Variants in GPHN observed in about 807,000 individuals in gnomAD.
The protein encoded by GPHN is gephyrin.
Under a neutral mutation model 95.5 loss-of-function variants are expected in GPHN, and 17 were observed. That is an observed-to-expected ratio of 0.18 (90% CI 0.12 to 0.27). The LOEUF is 0.27. GPHN is among the 10% of genes least tolerant of loss of function. The pLI, the probability that GPHN is intolerant of heterozygous loss-of-function variation, is 1.00. For synonymous variants in GPHN, 320 were observed against 322.5 expected (o/e 0.99, Z 0.08); for missense variants, 660 against 978.1 (o/e 0.67, Z 4.34).
At chr14:67,052,598 T>C (rs1324974465) in intron 10 of GPHN, among the ~76,000 whole-genome samples, 1 of 152,196 alleles carries the variant, frequency 6.6e-6, no homozygotes, top group African/African-American at 2.4e-5. Context: ...CAAGTGGACC[T>C]GACAGATATC....
intron 1 of GPHN, among the ~76,000 whole-genome samples, chr14:66,645,732 A>G (rs1222146937): frequency 3.3e-5 from 5 of 151,660 alleles, no homozygotes; most frequent in Admixed American, 2.0e-4. Flanking sequence ...AGTTATTTAA[A>G]CTGATTTTAT....
At chr14:67,506,978 A>G in the GPHN span, among the ~76,000 whole-genome samples, 5 of 151,638 alleles carry the variant, frequency 3.3e-5, no homozygotes, top group Admixed American at 1.3e-4. Flanking sequence ...GCCAGATTCC[A>G]TCTAAAAACA....
intron 1 of GPHN, among the ~76,000 whole-genome samples, chr14:66,519,203 A>C (rs2058374664): frequency 6.6e-6 from 1 of 152,034 alleles, no homozygotes; most frequent in South Asian, 2.1e-4. Flanking sequence ...AAATTTATTA[A>C]AGTATATTTA....
chr14:67,426,749 A>G, the GPHN span, among the ~76,000 whole-genome samples: 46 of 151,926 alleles, frequency 3.0e-4, no homozygotes, highest in African/African-American at 1.1e-3. Flanking sequence ...CTAATTTTGT[A>G]TTTTCAGTGC....
intron 2 of GPHN, among the ~76,000 whole-genome samples, chr14:66,757,302 A>G (rs899361341): frequency 2.6e-5 from 4 of 152,074 alleles, no homozygotes; most frequent in African/African-American, 7.3e-5. Flanking sequence ...TATGCACAAT[A>G]GTGTGTATAC....
At chr14:67,032,142 A>G (rs532099023) in intron 10 of GPHN, among the ~76,000 whole-genome samples, 22 of 152,248 alleles carry the variant, frequency 1.4e-4, no homozygotes, top group Non-Finnish European at 2.6e-4. Flanking sequence ...ATAGCTTAGC[A>G]TGATAAAGAG....
downstream of GPHN, among the ~76,000 whole-genome samples, chr14:67,185,702 T>C (rs2083365271): frequency 6.6e-6 from 1 of 152,216 alleles, no homozygotes; most frequent in African/African-American, 2.4e-5. Flanking sequence ...AAGTAAATGT[T>C]TGGTGATGTT....
the GPHN span, among the ~76,000 whole-genome samples, chr14:67,499,281 A>C: frequency 6.6e-6 from 1 of 152,160 alleles, no homozygotes; most frequent in Non-Finnish European, 1.5e-5. Context: ...TGGGATTATA[A>C]GTATGGGCCA....
chr14:67,315,268 A>ATT, the GPHN span, among the ~76,000 whole-genome samples: 293 of 101,596 alleles, frequency 2.9e-3, 11 homozygotes, highest in Non-Finnish European at 3.7e-3. Flanking sequence ...CTTATTTTTA[A>ATT]TTTTTTTTTT....
chr14:66,801,147 A>G (rs952658076), intron 3 of GPHN, among the ~76,000 whole-genome samples: 5 of 151,690 alleles, frequency 3.3e-5, no homozygotes, highest in Admixed American at 3.3e-4. Flanking sequence ...GCTATTTTGT[A>G]TTCTTTGTCT....
the GPHN span, among the ~76,000 whole-genome samples, chr14:67,730,849 C>T: frequency 1.2e-4 from 19 of 152,180 alleles, no homozygotes; most frequent in Admixed American, 1.2e-3. Flanking sequence ...GTTGATCCAC[C>T]TGCCTTGGCC....
At chr14:67,539,550 G>C in the GPHN span, among the ~76,000 whole-genome samples, 1 of 152,172 alleles carries the variant, frequency 6.6e-6, no homozygotes, top group Non-Finnish European at 1.5e-5. Context: ...CAGAATATTT[G>C]AGCCCAAGAT....
the GPHN span, among the ~76,000 whole-genome samples, chr14:67,511,105 T>G: frequency 6.6e-6 from 1 of 152,192 alleles, no homozygotes; most frequent in Non-Finnish European, 1.5e-5. Context: ...AAACGGATCA[T>G]TCCAGAAGCT....
At chr14:66,854,687 A>G (rs986106882) in intron 4 of GPHN, among the ~76,000 whole-genome samples, 1 of 152,174 alleles carries the variant, frequency 6.6e-6, no homozygotes, top group South Asian at 2.1e-4. Flanking sequence ...AAAGTTTTCC[A>G]TGCTATATCA....
intron 1 of GPHN, among the ~76,000 whole-genome samples, chr14:66,510,251 C>T (rs986182220): frequency 2.6e-5 from 4 of 152,106 alleles, no homozygotes; most frequent in Non-Finnish European, 4.4e-5. Flanking sequence ...TAAATTCCAG[C>T]CATTCTTTGA....
chr14:66,544,312 C>G (rs1288871388), intron 1 of GPHN, among the ~76,000 whole-genome samples: 1 of 152,210 alleles, frequency 6.6e-6, no homozygotes, highest in Non-Finnish European at 1.5e-5. Flanking sequence ...ATACACCCTT[C>G]CCCTATATAC....
the GPHN span, among the ~76,000 whole-genome samples, chr14:67,192,925 T>G: frequency 2.7e-5 from 4 of 145,816 alleles, no homozygotes; most frequent in Non-Finnish European, 6.0e-5. Flanking sequence ...TATATATGTA[T>G]ATATAGATAT....
At chr14:66,988,352 G>T (rs1046199898) in intron 9 of GPHN, among the ~76,000 whole-genome samples, 2 of 151,796 alleles carry the variant, frequency 1.3e-5, no homozygotes, top group East Asian at 3.9e-4. Context: ...TTTTCTATTG[G>T]TCATGTCTTC....
the GPHN span, among the ~76,000 whole-genome samples, chr14:67,401,433 G>C: frequency 4.6e-5 from 7 of 152,046 alleles, no homozygotes; most frequent in African/African-American, 1.7e-4. Flanking sequence ...GATTGCTGGG[G>C]CCCAGGAGGT....
Sources: gnomAD v4.1 joint callset for allele counts (sites outside exome capture counted in the v4.1 genomes callset) on GRCh38, gnomAD v4.1.1 for gene constraint, MANE v1.5 for transcripts, NCBI Gene and HGNC (gene_info 2026-07-23, HGNC 2026-07-21) for gene names.